Variants in RALGAPA2 observed in about 807,000 individuals in gnomAD.
RALGAPA2 encodes the protein Ral GTPase activating protein catalytic subunit alpha 2.
In RALGAPA2, 139 loss-of-function variants were observed where a neutral mutation model predicts 230.4. That is an observed-to-expected ratio of 0.60 (90% CI 0.53 to 0.69). The LOEUF is 0.69. Among genes scored for constraint, RALGAPA2 ranks in the 30% least tolerant of loss-of-function variants. RALGAPA2 has a pLI of 0.00. For missense variants in RALGAPA2, 2,163 were observed against 2,276.0 expected (o/e 0.95, Z 1.01); for synonymous variants, 847 against 837.8 (o/e 1.01, Z -0.19).
At chr20:20,519,536 C>T (rs1033890602) in intron 31 of RALGAPA2, among the ~76,000 whole-genome samples, 1 of 152,238 alleles carries the variant, frequency 6.6e-6, no homozygotes, top group African/African-American at 2.4e-5. Context: ...GGACCCACCA[C>T]TCTGGTGAAA....
Position 20,620,622 on chromosome 20 carries a change from C to A in RALGAPA2, c.1242G>T (p.Leu414Phe). The change falls in exon 11 of 40, where the codon TTG (leucine) becomes TTT (phenylalanine). Residue 414 changes from leucine (L) to phenylalanine (F), a missense_variant. Leu to Phe is a conservative substitution (Grantham distance 22). Coordinates refer to ENST00000202677, the MANE Select transcript of RALGAPA2 (RefSeq NM_020343.4). ...TTACAGCTATCTCACAGGAAGGCAA[C>A]AAAAATGCCTGAAAGGAAAAGAGAA... ...FVNEVFHQAF[L>F]LPSCEIAVTR... 1 of 1,607,148 alleles carries A rather than the reference C, an allele frequency of 6.2e-7. No individual in the cohort carries two copies. Among genetic ancestry groups the A allele is most frequent in the South Asian group, 1.1e-5 (1 of 90,258 alleles).
intron 37 of RALGAPA2, among the ~76,000 whole-genome samples, chr20:20,467,638 C>A (rs1030689921): frequency 6.6e-6 from 1 of 152,174 alleles, no homozygotes; most frequent in Non-Finnish European, 1.5e-5. Flanking sequence ...TTAGGCACTT[C>A]TCTGTCCCTT....
At chr20:20,421,894 C>T (rs918183599) in intron 37 of RALGAPA2, among the ~76,000 whole-genome samples, 2 of 152,132 alleles carry the variant, frequency 1.3e-5, no homozygotes, top group African/African-American at 4.8e-5. Context: ...TGCCTGCAAA[C>T]TGATGAATGG....
At chr20:20,678,794 T>C (rs1010995880) in intron 2 of RALGAPA2, among the ~76,000 whole-genome samples, 2 of 152,168 alleles carry the variant, frequency 1.3e-5, no homozygotes, top group African/African-American at 4.8e-5. Flanking sequence ...TGTGACTCCA[T>C]GTCCATCTGT....
At chr20:20,522,321 G>A (rs2063069460) in intron 30 of RALGAPA2, among the ~76,000 whole-genome samples, 1 of 150,690 alleles carries the variant, frequency 6.6e-6, no homozygotes, top group South Asian at 2.1e-4. Flanking sequence ...AAATGTCTAT[G>A]AACGGTAAAA....
In RALGAPA2 at chr20:20,712,420, T is replaced by G; in HGVS notation, c.61A>C (p.Lys21Gln). The G allele has an allele frequency of 6.4e-7, 1 of 1,554,550 alleles. No homozygotes were observed. Among genetic ancestry groups the G allele is most frequent in the Non-Finnish European group, 8.7e-7 (1 of 1,148,564 alleles). ...KKSTQKVLDP[K>Q]KDVLTRLKHL... ...TTCAGGCGGGTCAGCACGTCCTTCT[T>G]CGGGTCCAGCACCTTCTGGGTGGAC... Residue 21 changes from lysine (K) to glutamine (Q), a missense_variant, in exon 1 of 40, where the codon AAG (lysine) becomes CAG (glutamine). Transcript: ENST00000202677. This position sits in a 1 kb window ranked among gnomAD's most constrained non-coding sequence, Gnocchi z 5.5.
intron 23 of RALGAPA2, among the ~76,000 whole-genome samples, chr20:20,567,086 T>C (rs2064453925): frequency 6.6e-6 from 1 of 152,234 alleles, no homozygotes; most frequent in Non-Finnish European, 1.5e-5. Context: ...ACAAATTACA[T>C]TAAGACATTA....
At chr20:20,467,544 G>A (rs1218184876) in intron 37 of RALGAPA2, among the ~76,000 whole-genome samples, 1 of 152,142 alleles carries the variant, frequency 6.6e-6, no homozygotes, top group Non-Finnish European at 1.5e-5. Context: ...CTGCAGTCTG[G>A]AGCTTAGGTG....
intron 37 of RALGAPA2, among the ~76,000 whole-genome samples, chr20:20,436,147 G>C (rs750497901): frequency 6.6e-6 from 1 of 152,164 alleles, no homozygotes; most frequent in Non-Finnish European, 1.5e-5. Flanking sequence ...CTAAATCACA[G>C]ACCTGCCTGT....
At chr20:20,451,234 G>A (rs2060980526) in intron 37 of RALGAPA2, among the ~76,000 whole-genome samples, 1 of 152,116 alleles carries the variant, frequency 6.6e-6, no homozygotes, top group African/African-American at 2.4e-5. Flanking sequence ...TTCATTTTCA[G>A]AGAATAGAAT....
At chr20:20,476,119 A>C (rs554900770) in intron 36 of RALGAPA2, among the ~76,000 whole-genome samples, 55 of 152,310 alleles carry the variant, frequency 3.6e-4, no homozygotes, top group African/African-American at 1.3e-3. Context: ...CATGGACTGG[A>C]AGTTTCAATA....
At chr20:20,573,832 T>C (rs2064732375) in intron 20 of RALGAPA2, among the ~76,000 whole-genome samples, 1 of 152,250 alleles carries the variant, frequency 6.6e-6, no homozygotes, top group Non-Finnish European at 1.5e-5. Context: ...AGTTTATCCA[T>C]TCACCTGTAG....
intron 37 of RALGAPA2, among the ~76,000 whole-genome samples, chr20:20,422,796 G>A (rs1368219164): frequency 6.6e-6 from 1 of 152,196 alleles, no homozygotes; most frequent in Non-Finnish European, 1.5e-5. Flanking sequence ...GCAGCTGGAG[G>A]ATGAAAAAGA....
At chr20:20,695,289 G>T (rs2069067659) in intron 1 of RALGAPA2, among the ~76,000 whole-genome samples, 1 of 152,288 alleles carries the variant, frequency 6.6e-6, no homozygotes, top group African/African-American at 2.4e-5. Flanking sequence ...GAGAAGCTTT[G>T]CTGTTTTTGT....
At chr20:20,622,073 G>A (rs1043116746) in intron 10 of RALGAPA2, among the ~76,000 whole-genome samples, 2 of 152,178 alleles carry the variant, frequency 1.3e-5, no homozygotes, top group Non-Finnish European at 2.9e-5. Flanking sequence ...ATTTAAAAAT[G>A]AAATAACTCA....
Position 20,524,496 on chromosome 20 carries a change from C to A in RALGAPA2, c.3810G>T (p.Leu1270Phe). 1 of 1,613,888 alleles carries A rather than the reference C, an allele frequency of 6.2e-7. No homozygotes were observed. Among genetic ancestry groups the A allele is most frequent in the East Asian group, 2.2e-5 (1 of 44,850 alleles). ...LLCLLDWCMA[L>F]PVSVLLHPVS... Reference sequence around the variant, plus strand: ...CGGGGTGGAGAAGGACACTCACGGGCAATGCCATGCACCAGTCCAAGAGGC... The same window carrying A: ...CGGGGTGGAGAAGGACACTCACGGGAAATGCCATGCACCAGTCCAAGAGGC... The change falls in exon 30 of 40, where the codon TTG becomes TTT. Residue 1270 changes from leucine (L) to phenylalanine (F), a missense_variant. Transcript: ENST00000202677.
intron 24 of RALGAPA2, among the ~76,000 whole-genome samples, chr20:20,543,884 A>G (rs1394681440): frequency 6.6e-5 from 10 of 151,768 alleles, no homozygotes; most frequent in Non-Finnish European, 1.0e-4. Context: ...TATAATAATA[A>G]AAATAAAATA....
chr20:20,552,483 T>C (rs1214394163), intron 23 of RALGAPA2, among the ~76,000 whole-genome samples: 1 of 152,224 alleles, frequency 6.6e-6, no homozygotes, highest in Non-Finnish European at 1.5e-5. Flanking sequence ...GTCTTTTACC[T>C]AGGAAATTCT....
chr20:20,669,455 CCCAAATCCGTAACCCCAA>C (rs1393140847), intron 3 of RALGAPA2, among the ~76,000 whole-genome samples: 16 of 152,160 alleles, frequency 1.1e-4, no homozygotes, highest in Admixed American at 9.8e-4. Flanking sequence ...ACCAACCAAT[CCCAAATCCGTAACCCCAA>C]CCACATCCTT....
Sources: gnomAD v4.1 joint callset for allele counts (sites outside exome capture counted in the v4.1 genomes callset) on GRCh38, gnomAD v4.1.1 for gene constraint, Gnocchi (gnomAD v3.1) non-coding constraint, MANE v1.5 for transcripts, NCBI Gene and HGNC (gene_info 2026-07-23, HGNC 2026-07-21) for gene names.